MEI4: variants seen among roughly 807,000 people sequenced by gnomAD.
MEI4 encodes meiotic double-stranded break formation protein 4.
A neutral mutation model predicts 31.4 loss-of-function variants in MEI4; 27 were observed. The observed-to-expected ratio is 0.86, with a 90% confidence interval of 0.63 to 1.19. The LOEUF is 1.19. Among genes scored for constraint, MEI4 ranks in the 50% most tolerant of loss-of-function variants. The probability of loss-of-function intolerance (pLI) is 0.00; values close to 1 mark genes in which losing one functional copy is unlikely to be tolerated. For synonymous variants in MEI4, 122 were observed against 145.4 expected (o/e 0.84, Z 1.16); for missense variants, 329 against 398.9 (o/e 0.82, Z 1.49).
chr6:77,704,927 G>C (rs1190738293), intron 2 of MEI4, among the ~76,000 whole-genome samples: 1 of 152,214 alleles, frequency 6.6e-6, no homozygotes, highest in African/African-American at 2.4e-5. Context: ...CAAAGAATAA[G>C]TGTTTATTAA....
intron 4 of MEI4, among the ~76,000 whole-genome samples, chr6:77,838,625 G>C (rs866181888): frequency 1.6e-4 from 25 of 152,068 alleles, no homozygotes; most frequent in African/African-American, 6.0e-4. Flanking sequence ...TACCTGGCTG[G>C]GCGCGGTGGC....
chr6:77,744,862 C>A (rs998755288), intron 2 of MEI4, among the ~76,000 whole-genome samples: 2 of 152,090 alleles, frequency 1.3e-5, no homozygotes, highest in Non-Finnish European at 2.9e-5. Flanking sequence ...TCATATCCAG[C>A]CAAACTAAGC....
At chr6:77,865,783 G>T (rs1429649306) in intron 4 of MEI4, among the ~76,000 whole-genome samples, 2 of 152,006 alleles carry the variant, frequency 1.3e-5, no homozygotes, top group East Asian at 3.9e-4. Flanking sequence ...CAAAAAAAGA[G>T]AATTTTAGAC....
At chr6:77,733,261 C>A (rs1231076053) in intron 2 of MEI4, among the ~76,000 whole-genome samples, 4 of 151,934 alleles carry the variant, frequency 2.6e-5, no homozygotes. Flanking sequence ...TGATCCTGGA[C>A]TCTTTTTGGT....
chr6:77,838,011 T>C (rs958216815), intron 4 of MEI4, among the ~76,000 whole-genome samples: 2 of 152,174 alleles, frequency 1.3e-5, no homozygotes, highest in African/African-American at 4.8e-5. Flanking sequence ...GAGGTAATCA[T>C]ATTTGCATTT....
At chr6:77,815,291 T>A (rs1481935566) in intron 3 of MEI4, among the ~76,000 whole-genome samples, 2 of 152,084 alleles carry the variant, frequency 1.3e-5, no homozygotes, top group African/African-American at 2.4e-5. Context: ...ATAACTAATA[T>A]CCGAGATCCA....
chr6:77,770,248 T>C (rs1341253280), intron 3 of MEI4, among the ~76,000 whole-genome samples: 4 of 151,924 alleles, frequency 2.6e-5, no homozygotes, highest in African/African-American at 9.7e-5. Context: ...TCCTAACATA[T>C]ACAACCTACC....
At chr6:77,662,602 G>T (rs1768533258) in intron 1 of MEI4, among the ~76,000 whole-genome samples, 1 of 152,168 alleles carries the variant, frequency 6.6e-6, no homozygotes, top group African/African-American at 2.4e-5. Context: ...TTGTGATTTT[G>T]AGGGCCTCTA....
intron 3 of MEI4, among the ~76,000 whole-genome samples, chr6:77,803,876 G>A (rs1174866125): frequency 6.6e-6 from 1 of 152,176 alleles, no homozygotes; most frequent in Non-Finnish European, 1.5e-5. Context: ...TTGTCAGTCT[G>A]CCCCTACTGG....
At chr6:77,853,398 T>C (rs1040826770) in intron 4 of MEI4, among the ~76,000 whole-genome samples, 2 of 152,338 alleles carry the variant, frequency 1.3e-5, no homozygotes, top group Admixed American at 6.5e-5. Context: ...TGTCCAAGGT[T>C]GTTCATTTTA....
At chr6:77,665,523 TG>T (rs1474154005) in intron 1 of MEI4, among the ~76,000 whole-genome samples, 2 of 151,780 alleles carry the variant, frequency 1.3e-5, no homozygotes, top group East Asian at 3.9e-4. Flanking sequence ...GAGAAGGGAT[TG>T]GGGTACTTGC....
chr6:77,771,345 G>A (rs1768312532), intron 3 of MEI4, among the ~76,000 whole-genome samples: 1 of 152,014 alleles, frequency 6.6e-6, no homozygotes, highest in Non-Finnish European at 1.5e-5. Context: ...TGGGGGGAGT[G>A]TAAATTAATT....
chr6:77,757,583 A>G (rs1767946338), intron 2 of MEI4, among the ~76,000 whole-genome samples: 1 of 152,230 alleles, frequency 6.6e-6, no homozygotes, highest in Non-Finnish European at 1.5e-5. Context: ...AGTAGAGAGA[A>G]AAACTGGCAA....
At chr6:77,766,733 C>G (rs571975072) in intron 3 of MEI4, among the ~76,000 whole-genome samples, 1 of 152,000 alleles carries the variant, frequency 6.6e-6, no homozygotes, top group Non-Finnish European at 1.5e-5. Context: ...CATGCCAGGT[C>G]GAAATCAGTT....
intron 2 of MEI4, among the ~76,000 whole-genome samples, chr6:77,698,186 A>C (rs1381541454): frequency 1.3e-5 from 2 of 152,144 alleles, no homozygotes; most frequent in Non-Finnish European, 2.9e-5. Flanking sequence ...AGTTTCCTGA[A>C]TATAGCACAC....
intron 4 of MEI4, among the ~76,000 whole-genome samples, chr6:77,876,362 A>C (rs1771337562): frequency 6.6e-6 from 1 of 152,108 alleles, no homozygotes; most frequent in Admixed American, 6.6e-5. Context: ...CATAGGAGTG[A>C]GTTCTTGATT....
chr6:77,699,005 C>T (rs1408577164), intron 2 of MEI4, among the ~76,000 whole-genome samples: 1 of 151,868 alleles, frequency 6.6e-6, no homozygotes, highest in Non-Finnish European at 1.5e-5. Flanking sequence ...CTTCTCGCTT[C>T]ATTTCATTCA....
intron 2 of MEI4, among the ~76,000 whole-genome samples, chr6:77,715,871 T>C (rs975778803): frequency 3.3e-5 from 5 of 152,226 alleles, no homozygotes; most frequent in African/African-American, 4.8e-5. Flanking sequence ...ATTTCTTGGT[T>C]GAAAATTGGC....
At chr6:77,688,574 T>G (rs1769100971) in intron 1 of MEI4, among the ~76,000 whole-genome samples, 2 of 152,242 alleles carry the variant, frequency 1.3e-5, no homozygotes, top group African/African-American at 4.8e-5. Context: ...TTCAATCAAT[T>G]AATTAAATAT....
Sources: gnomAD v4.1 joint callset for allele counts (sites outside exome capture counted in the v4.1 genomes callset) on GRCh38, gnomAD v4.1.1 for gene constraint, MANE v1.5 for transcripts, NCBI Gene and HGNC (gene_info 2026-07-23, HGNC 2026-07-21) for gene names.